The following GALNT6 variants were observed in gnomAD, a reference collection of about 807,000 sequenced individuals.
GALNT6 encodes the protein GalNAc transferase 6.
A neutral mutation model predicts 65.9 loss-of-function variants in GALNT6; 51 were observed. The observed-to-expected ratio is 0.77, with a 90% CI of 0.62 to 0.98. GALNT6 has a LOEUF of 0.98. Among genes scored for constraint, GALNT6 ranks in the 50% least tolerant of loss-of-function variants. GALNT6 has a pLI of 0.00. For missense variants in GALNT6, 708 were observed against 803.3 expected (o/e 0.88, Z 1.43); for synonymous variants, 323 against 315.1 (o/e 1.02, Z -0.26).
intron 11 of GALNT6, among the ~76,000 whole-genome samples, chr12:51,355,011 C>T (rs1197524937): frequency 6.6e-6 from 1 of 152,146 alleles, no homozygotes; most frequent in Non-Finnish European, 1.5e-5. Flanking sequence ...TCAAGTCAGA[C>T]CCATCTGGGG....
chr12:51,355,903 C>A lies in GALNT6; in HGVS notation c.1658G>T (p.Cys553Phe), dbSNP rs889804336. 6.2e-7 allele frequency: 1 copy of A among 1,613,704 alleles called. No individual in the cohort carries two copies. The highest frequency in any genetic ancestry group is 8.5e-7 in the Non-Finnish European group (1 of 1,179,822). Reference protein sequence around the residue: ...DLRHNIAKQLCLHVSKGALGL... With the variant: ...DLRHNIAKQLFLHVSKGALGL... ...CAGAGCACCCTTGCTGACATGTAGACACAGCTGCTTTGCGATGTTGTGGCG... is the reference window on the plus strand; with the variant it reads ...CAGAGCACCCTTGCTGACATGTAGAAACAGCTGCTTTGCGATGTTGTGGCG... The change falls in exon 11 of 12, where the codon TGT becomes TTT. Residue 553 changes from cysteine (C) to phenylalanine (F), a missense_variant. By Grantham distance (205) the Cys-to-Phe change is radical. Coordinates refer to ENST00000356317, the MANE Select transcript of GALNT6 (RefSeq NM_007210.4).
intron 4 of GALNT6, among the ~76,000 whole-genome samples, chr12:51,366,132 G>A (rs1176487278): frequency 1.3e-5 from 2 of 152,300 alleles, no homozygotes; most frequent in South Asian, 2.1e-4. Context: ...TGGCCAGGCT[G>A]GTCTCGTACT....
At chr12:51,390,152 CTTTCTTTTTTTTTTTT>C (rs1021176408) in intron 2 of GALNT6, among the ~76,000 whole-genome samples, 4 of 68,980 alleles carry the variant, frequency 5.8e-5, no homozygotes, top group Admixed American at 1.5e-4. Context: ...TTCTTTCTTT[CTTTCTTTTTTTTTTTT>C]TTTTTTTTTT....
intron 6 of GALNT6, among the ~76,000 whole-genome samples, chr12:51,361,327 T>C (rs544528442): frequency 5.3e-5 from 8 of 152,352 alleles, no homozygotes; most frequent in African/African-American, 1.9e-4. Flanking sequence ...ATGAATATTG[T>C]CAGCTGGGCT....
chr12:51,365,470 G>T lies in GALNT6; in HGVS notation c.774C>A (p.Ser258Arg), dbSNP rs200232160. 8 of 1,611,868 alleles carry T rather than the reference G, an allele frequency of 5.0e-6. No homozygotes were observed. Among genetic ancestry groups the T allele is most frequent in the Non-Finnish European group, 6.8e-6 (8 of 1,179,876 alleles). The change falls in exon 5 of 12, where the codon AGC (serine) becomes AGA (arginine). Residue 258 changes from serine (S) to arginine (R), a missense_variant. Coordinates refer to ENST00000356317, the MANE Select transcript of GALNT6 (RefSeq NM_007210.4). ...ACGTGAGCACCTCCGCCTGTGCCAC[G>T]CTGGCCCCCAGCAGCCGGGCGGTGA... is the stretch of plus-strand genomic sequence containing the variant. ...GLITARLLGA[S>R]VAQAEVLTFL...
Position 51,353,576 on chromosome 12 carries a change from T to G in GALNT6, c.*803A>C. The G allele has an allele frequency of 6.6e-6, 1 of 152,046 alleles. No individual in the cohort carries two copies. Among genetic ancestry groups the G allele is most frequent in the Non-Finnish European group, 1.5e-5 (1 of 68,050 alleles). 9.4% of individuals were successfully genotyped at this position (152,046 alleles called of 1,614,324 possible). On this transcript the variant is annotated 3_prime_UTR_variant, in exon 12 of 12. Coordinates refer to ENST00000356317, the MANE Select transcript of GALNT6 (RefSeq NM_007210.4). Reference sequence around the variant, plus strand: ...GTAGAGATGGAGTTTCACCATGTAGTCCAGGCTGGTTTCAAACTTCTGACC... The same window carrying G: ...GTAGAGATGGAGTTTCACCATGTAGGCCAGGCTGGTTTCAAACTTCTGACC...
intron 4 of GALNT6, among the ~76,000 whole-genome samples, chr12:51,373,160 G>T (rs1307694572): frequency 2.0e-5 from 3 of 152,136 alleles, no homozygotes; most frequent in African/African-American, 7.2e-5. Flanking sequence ...CTAAGACTTT[G>T]GGGGGACTGT....
At chr12:51,389,638 C>G (rs1174623748) in intron 2 of GALNT6, among the ~76,000 whole-genome samples, 1 of 152,190 alleles carries the variant, frequency 6.6e-6, no homozygotes, top group Non-Finnish European at 1.5e-5. Context: ...GAGTCAGCTG[C>G]CTGCCTTCAT....
Position 51,377,359 on chromosome 12 carries a change from T to G in GALNT6, c.500A>C (p.Asp167Ala). Residue 167 changes from aspartate (D) to alanine (A), a missense_variant, in exon 4 of 12, where the codon GAC becomes GCC. Asp to Ala is a moderately radical substitution (Grantham distance 126). Transcript: ENST00000356317. ...GPDTRPPECVDQKFRRCPPLA... is the reference protein window; with the variant it reads ...GPDTRPPECVAQKFRRCPPLA... ...TGGGGGGCAGCGCCGGAACTTCTGG[T>G]CCACACACCTGGAAGTATGAAAGTA... The G allele has an allele frequency of 1.2e-6, 2 of 1,612,282 alleles. No individual in the cohort carries two copies. Among genetic ancestry groups the G allele is most frequent in the Non-Finnish European group, 1.7e-6 (2 of 1,179,932 alleles).
intron 4 of GALNT6, among the ~76,000 whole-genome samples, chr12:51,372,890 G>A (rs774479898): frequency 1.3e-5 from 2 of 152,348 alleles, no homozygotes; most frequent in South Asian, 2.1e-4. Flanking sequence ...TGTGAGACAC[G>A]AAGTCAAAGG....
chr12:51,365,505 TCCGCTCCTCCTG>T lies in GALNT6; in HGVS notation c.727_738del (p.Gln243_Arg246del). On this transcript the variant is annotated inframe_deletion, in exon 5 of 12. Coordinates refer to ENST00000356317, the MANE Select transcript of GALNT6 (RefSeq NM_007210.4). Reference sequence around the variant, plus strand: ...AGCAGCCGGGCGGTGATCAGCCCCTTCCGCTCCTCCTGCCGCACCACCCTCACCACCTGCAGC... The same window carrying T: ...AGCAGCCGGGCGGTGATCAGCCCCTTCCGCACCACCCTCACCACCTGCAGC... 1 of 1,612,588 alleles carries T rather than the reference TCCGCTCCTCCTG, an allele frequency of 6.2e-7. No homozygotes were observed. The highest frequency in any genetic ancestry group is 8.5e-7 in the Non-Finnish European group (1 of 1,179,998).
At chr12:51,379,101 C>G (rs1947568425) in intron 3 of GALNT6, among the ~76,000 whole-genome samples, 190 bp downstream of exon 3, 1 of 152,218 alleles carries the variant, frequency 6.6e-6, no homozygotes, top group Non-Finnish European at 1.5e-5. Flanking sequence ...GACCATAATA[C>G]CCTTGAATCA....
chr12:51,358,161 A>G lies in GALNT6; in HGVS notation c.1469T>C (p.Val490Ala). 1 of 1,614,086 alleles carries G rather than the reference A, an allele frequency of 6.2e-7. No homozygotes were observed. Among genetic ancestry groups the G allele is most frequent in the East Asian group, 2.2e-5 (1 of 44,884 alleles). ...YLHNVYPEMF[V>A]PDLTPTFYGA... Reference sequence around the variant, plus strand: ...ATAGAAGGTGGGCGTCAGGTCAGGAACAAACATCTCTGGGTAGACATTGTG... The same window carrying G: ...ATAGAAGGTGGGCGTCAGGTCAGGAGCAAACATCTCTGGGTAGACATTGTG... Residue 490 changes from valine (V) to alanine (A), a missense_variant, in exon 9 of 12, where the codon GTT becomes GCT. Physicochemically the swap from Val to Ala is moderately conservative, Grantham distance 64. Coordinates refer to ENST00000356317, the MANE Select transcript of GALNT6 (RefSeq NM_007210.4).
At chr12:51,375,029 G>A (rs560364251) in intron 4 of GALNT6, among the ~76,000 whole-genome samples, 4 of 151,890 alleles carry the variant, frequency 2.6e-5, no homozygotes, top group South Asian at 2.1e-4. Flanking sequence ...GGCACATGCC[G>A]TCATGCCAGG....
intron 8 of GALNT6, among the ~76,000 whole-genome samples, 188 bp from the exon 9 acceptor site, chr12:51,358,449 C>T (rs1277319948): frequency 3.3e-5 from 5 of 152,096 alleles, no homozygotes; most frequent in African/African-American, 7.2e-5. Flanking sequence ...TACAGTCGCG[C>T]ACCACCACGC....
chr12:51,384,892 A>G (rs1947782964), intron 2 of GALNT6, among the ~76,000 whole-genome samples: 1 of 152,192 alleles, frequency 6.6e-6, no homozygotes, highest in South Asian at 2.1e-4. Context: ...CTCAAAAAAT[A>G]AAAATAAATA....
chr12:51,387,256 T>C lies in GALNT6; in HGVS notation c.-104+3594A>G, dbSNP rs1250872441. 6.6e-6 allele frequency among the ~76,000 whole-genome samples: 1 copy of C among 152,124 alleles called. No individual in the cohort carries two copies. The highest frequency in any genetic ancestry group is 2.1e-4 in the South Asian group (1 of 4,818). On this transcript the variant is annotated intron_variant, in intron 2 of 11. Transcript: ENST00000356317. This position sits in a 1 kb window ranked among gnomAD's most constrained non-coding sequence, Gnocchi z 4.2. ...GGGATTACAGGCGCCCGCCACCACG[T>C]CCGGCTAATTTTTGTATTTTTTTAG...
chr12:51,379,550 C>T lies in GALNT6; in HGVS notation c.232G>A (p.Ala78Thr). 6.2e-7 allele frequency: 1 copy of T among 1,614,184 alleles called. No homozygotes were observed. The highest frequency in any genetic ancestry group is 8.5e-7 in the Non-Finnish European group (1 of 1,180,026). ...MPKLQIRAPE[A>T]QQTLFSINQS... ...TTTATGGAGAACAGAGTCTGCTGGG[C>T]TTCTGGAGCCCTGATTTGGAGCTTG... is the stretch of plus-strand genomic sequence containing the variant. The change falls in exon 3 of 12, where the codon GCC becomes ACC. Residue 78 changes from alanine (A) to threonine (T), a missense_variant. Physicochemically the swap from Ala to Thr is moderately conservative, Grantham distance 58. Transcript: ENST00000356317.
Position 51,377,231 on chromosome 12 carries a change from T to G in GALNT6, c.628A>C (p.Lys210Gln). 3.1e-6 allele frequency: 5 copies of G among 1,613,782 alleles called. No homozygotes were observed. Among genetic ancestry groups the G allele is most frequent in the Non-Finnish European group, 4.2e-6 (5 of 1,179,934 alleles). Reference sequence around the variant, plus strand: ...GCATCATCCACCAGTATGATCTCCTTGAGCAAGATGGCAGGGGTGGTGTGT... The same window carrying G: ...GCATCATCCACCAGTATGATCTCCTGGAGCAAGATGGCAGGGGTGGTGTGT... ...VLHTTPAILL[K>Q]EIILVDDAST... The change falls in exon 4 of 12, where the codon AAG (lysine) becomes CAG (glutamine). Residue 210 changes from lysine to glutamine, a missense_variant. Physicochemically the swap from Lys to Gln is moderately conservative, Grantham distance 53. Transcript: ENST00000356317.
Sources: gnomAD v4.1 joint callset for allele counts (sites outside exome capture counted in the v4.1 genomes callset) on GRCh38, gnomAD v4.1.1 for gene constraint, Gnocchi (gnomAD v3.1) non-coding constraint, MANE v1.5 for transcripts, NCBI Gene and HGNC (gene_info 2026-07-23, HGNC 2026-07-21) for gene names.